Variants in SBF1 observed in about 807,000 individuals in gnomAD.
The protein encoded by SBF1 is SET binding factor 1.
In SBF1, 65 loss-of-function variants were observed where a neutral mutation model predicts 215.8. The ratio of observed to expected loss-of-function variants is 0.30; its 90% confidence interval spans 0.25 to 0.37. The LOEUF (loss-of-function observed/expected upper bound fraction) is 0.37, where lower values mean the gene tolerates loss of function less well. SBF1 is among the 10% of genes least tolerant of loss of function. The pLI is 1.00. For synonymous variants in SBF1, 1,410 were observed against 1,122.8 expected (o/e 1.26, Z -5.11); for missense variants, 2,634 against 2,667.8 (o/e 0.99, Z 0.28).
rs771708943 is a variant in SBF1 at position 50,464,449 on chromosome 22, G to A, written c.1637-8C>T. 13 of 1,612,398 alleles carry A rather than the reference G, an allele frequency of 8.1e-6. No homozygotes were observed. In the East Asian group the frequency reaches 2.7e-4, roughly 33 times the overall value. On this transcript the variant is annotated splice_region_variant and splice_polypyrimidine_tract_variant and intron_variant, in intron 14 of 40. Coordinates refer to ENST00000380817, the MANE Select transcript of SBF1 (RefSeq NM_002972.4). The stretch of plus-strand genomic sequence containing the variant: ...ACCGCTCCAGTATGGCAGCTGCGGG[G>A]ACAGAATACACACACTCGGACCCCT...
rs1603433639 is a variant in SBF1 at position 50,464,925 on chromosome 22, G to A, written c.1333-8C>T. 1 of 1,613,836 alleles carries A rather than the reference G, an allele frequency of 6.2e-7. No homozygotes were observed. The highest frequency in any genetic ancestry group is 8.5e-7 in the Non-Finnish European group (1 of 1,180,018). Reference sequence around the variant, plus strand: ...CACCTCGTGGGCCACCAGCTAGCGGGGTAAGCAGGAGGTTAGGTAAGCCAT... The same window carrying A: ...CACCTCGTGGGCCACCAGCTAGCGGAGTAAGCAGGAGGTTAGGTAAGCCAT... On this transcript the variant is annotated splice_region_variant and splice_polypyrimidine_tract_variant and intron_variant, in intron 12 of 40. Transcript: ENST00000380817.
chr22:50,456,801 G>C, intron 29 of SBF1, 128 bp from the exon 30 acceptor site: 1 of 852,590 alleles, frequency 1.2e-6, no homozygotes, highest in Non-Finnish European at 1.8e-6. Flanking sequence ...GACCCCAGCA[G>C]GGCCGTGCGA....
At position 50,447,416 on chromosome 22, in the gene SBF1, T is replaced by G. The variant is rs749924188; in HGVS notation, c.5489A>C (p.Lys1830Thr). 1.2e-6 allele frequency: 2 copies of G among 1,613,914 alleles called. No homozygotes were observed. The highest frequency in any genetic ancestry group is 1.7e-6 in the Non-Finnish European group (2 of 1,179,918). Residue 1830 changes from lysine (K) to threonine (T), a missense_variant, in exon 40 of 41, where the codon AAG becomes ACG. Coordinates refer to ENST00000380817, the MANE Select transcript of SBF1 (RefSeq NM_002972.4). ...YYDHRVDTECKGVIDLAEVEA... is the reference protein window; with the variant it reads ...YYDHRVDTECTGVIDLAEVEA... ...CACCTCCGCCAAGTCGATGACACCC[T>G]TGCACTCTGTGTCCACACGGTGGTC...
At position 50,457,905 on chromosome 22, in the gene SBF1, T is replaced by G. The variant is rs2067320136; in HGVS notation, c.3827-794A>C. On this transcript the variant is annotated intron_variant, in intron 28 of 40. Coordinates refer to ENST00000380817, the MANE Select transcript of SBF1 (RefSeq NM_002972.4). ...CACAATGCCAGCCCAACACGCCCTG[T>G]GTCCTCTGACGGCTGCCACACTGCA... 2.0e-5 allele frequency among the ~76,000 whole-genome samples: 3 copies of G among 152,238 alleles called. No individual in the cohort carries two copies. The South Asian group carries it at 6.2e-4, about 31-fold the overall frequency.
chr22:50,459,235 C>T lies in SBF1; in HGVS notation c.3826+20G>A. 1 of 1,585,742 alleles carries T rather than the reference C, an allele frequency of 6.3e-7. No individual in the cohort carries two copies. The highest frequency in any genetic ancestry group is 8.6e-7 in the Non-Finnish European group (1 of 1,159,306). ...CCCCAAAGTGCCCCTGCCCCACCGTCTGCCCACAAGCACCCTCACCGTGAC... is the reference window on the plus strand; with the variant it reads ...CCCCAAAGTGCCCCTGCCCCACCGTTTGCCCACAAGCACCCTCACCGTGAC... On this transcript the variant is annotated intron_variant, in intron 28 of 40. Coordinates refer to ENST00000380817, the MANE Select transcript of SBF1 (RefSeq NM_002972.4).
intron 14 of SBF1, 34 bp from the exon 15 acceptor site, chr22:50,464,475 G>A (rs965470805): frequency 1.2e-6 from 2 of 1,605,242 alleles, no homozygotes; most frequent in Non-Finnish European, 1.7e-6. Flanking sequence ...TCGGACCCCT[G>A]ACCCCACGCC....
chr22:50,455,191 A>G (rs1030184107), intron 33 of SBF1, 33 bp downstream of exon 33: 12 of 1,612,556 alleles, frequency 7.4e-6, no homozygotes, highest in African/African-American at 2.7e-5. Context: ...CAGGGTGCAC[A>G]GTCCCGGCCC....
chr22:50,458,587 G>A (rs917578001), intron 28 of SBF1, among the ~76,000 whole-genome samples: 5 of 152,230 alleles, frequency 3.3e-5, no homozygotes, highest in South Asian at 2.1e-4. Flanking sequence ...TGTGGTATCT[G>A]GAAAAACAAA....
intron 1 of SBF1, among the ~76,000 whole-genome samples, chr22:50,471,074 G>A (rs2067978787): frequency 2.0e-5 from 3 of 152,152 alleles, no homozygotes; most frequent in Non-Finnish European, 4.4e-5. Context: ...GCCCATCAGA[G>A]TGCTGCCTTT....
At chr22:50,459,771 C>T (rs556015269) in intron 26 of SBF1, 105 bp from the exon 27 acceptor site, 24 of 1,368,146 alleles carry the variant, frequency 1.8e-5, no homozygotes, top group African/African-American at 5.8e-5. Context: ...CAGCAGGAGG[C>T]GCTTCCAGCT....
At chr22:50,451,107 A>C (rs2067027035) in intron 36 of SBF1, among the ~76,000 whole-genome samples, 1 of 143,534 alleles carries the variant, frequency 7.0e-6, no homozygotes, top group South Asian at 2.2e-4. Flanking sequence ...AGGTGAGAGG[A>C]CTGCTTGAGC....
Position 50,466,533 on chromosome 22 carries a change from G to C in SBF1, c.656-51C>G, listed in dbSNP as rs1464888000. 2.6e-6 allele frequency: 4 copies of C among 1,530,114 alleles called. No individual in the cohort carries two copies. The East Asian group carries it at 7.4e-5, about 28-fold the overall frequency. 94.8% of individuals were successfully genotyped at this position (1,530,114 alleles called of 1,614,324 possible). ...AGGACCCTGGGCCCCCACCCAGGCAGAGTGAGAACCCACATCCCTAACTAC... is the reference window on the plus strand; with the variant it reads ...AGGACCCTGGGCCCCCACCCAGGCACAGTGAGAACCCACATCCCTAACTAC... On this transcript the variant is annotated intron_variant, in intron 6 of 40. Coordinates refer to ENST00000380817, the MANE Select transcript of SBF1 (RefSeq NM_002972.4).
rs1276919951 is a variant in SBF1, at chr22:50,448,167, G to A, written c.5363+66C>T. The A allele has an allele frequency of 2.7e-6, 4 of 1,493,176 alleles. No homozygotes were observed. In the African/African-American group the frequency reaches 5.5e-5, roughly 20 times the overall value. 92.5% of individuals were successfully genotyped at this position (1,493,176 alleles called of 1,614,324 possible). A position where few individuals can be genotyped will look rare whatever the true frequency, so the allele number is the denominator to read the frequency against. On this transcript the variant is annotated intron_variant, in intron 38 of 40. Transcript: ENST00000380817. ...AAGCACCCGCAATCTCCCACCAGAG[G>A]ACTGCCTGGGACCCCAGAACACCAG... is the stretch of plus-strand genomic sequence containing the variant.
chr22:50,448,223 G>A lies in SBF1; in HGVS notation c.5363+10C>T, dbSNP rs770564353. The A allele has an allele frequency of 1.9e-6, 3 of 1,609,588 alleles. No individual in the cohort carries two copies. Among genetic ancestry groups the A allele is most frequent in the Non-Finnish European group, 2.5e-6 (3 of 1,178,944 alleles). ...AGGTGTCCATGTGGCAGTGGGAGGTGCCCTCATACCTGTTCTCACTCTCTG... is the reference window on the plus strand; with the variant it reads ...AGGTGTCCATGTGGCAGTGGGAGGTACCCTCATACCTGTTCTCACTCTCTG... On this transcript the variant is annotated intron_variant, in intron 38 of 40. Transcript: ENST00000380817.
intron 28 of SBF1, chr22:50,457,383 CCACT>C (rs2067297574): frequency 1.0e-5 from 4 of 401,248 alleles, no homozygotes; most frequent in African/African-American, 4.1e-5. Flanking sequence ...TCCTTTCTTC[CCACT>C]CAAACCAGCT....
At chr22:50,464,759 TG>T in intron 13 of SBF1, 21 bp from the exon 14 acceptor site, 1 of 1,609,218 alleles carries the variant, frequency 6.2e-7, no homozygotes, top group Non-Finnish European at 8.5e-7. Flanking sequence ...ACGGCAGGTG[TG>T]GGGCAGGGGC....
At chr22:50,450,898 A>T (rs1298335480) in intron 36 of SBF1, among the ~76,000 whole-genome samples, 1 of 152,244 alleles carries the variant, frequency 6.6e-6, no homozygotes, top group African/African-American at 2.4e-5. Context: ...GCTTGACCCA[A>T]GGAGTGTGAG....
In SBF1 at chr22:50,459,482, C is replaced by T. The variant is rs200852838; in HGVS notation, c.3676G>A (p.Ala1226Thr). 1.5e-4 allele frequency: 246 copies of T among 1,610,304 alleles called. No homozygotes were observed. The highest frequency in any genetic ancestry group is 2.0e-4 in the Non-Finnish European group (233 of 1,179,768). The change falls in exon 27 of 41, where the codon GCA becomes ACA. Residue 1226 changes from alanine to threonine, a missense_variant. By Grantham distance (58) the Ala-to-Thr change is moderately conservative. Transcript: ENST00000380817. ...GVVGLFKAQN[A>T]PSPGQSQADS... ...ACGCAGGAGGTACCTGGAGAAGGTG[C>T]GTTCTGGGCCTTGAAGAGGCCGACG...
Position 50,457,016 on chromosome 22 carries a change from G to A in SBF1, c.3904+18C>T, listed in dbSNP as rs747565126. Reference sequence around the variant, plus strand: ...ACCAAGTAAGGGGAGGCGGGCCTGCGCAGGCTCGGTACGGTACCTCGGGGT... The same window carrying A: ...ACCAAGTAAGGGGAGGCGGGCCTGCACAGGCTCGGTACGGTACCTCGGGGT... On this transcript the variant is annotated intron_variant, in intron 29 of 40. Transcript: ENST00000380817. 140 of 1,414,850 alleles carry A rather than the reference G, an allele frequency of 9.9e-5. No homozygotes were observed. The highest frequency in any genetic ancestry group is 1.2e-4 in the Non-Finnish European group (127 of 1,084,326). The allele number at this position is 1,414,850 out of a possible 1,614,324, so 87.6% of individuals were successfully genotyped here. A position where few individuals can be genotyped will look rare whatever the true frequency, so the allele number is the denominator to read the frequency against.
Sources: allele counts gnomAD v4.1 joint callset (sites outside exome capture counted in the v4.1 genomes callset), GRCh38; gene constraint gnomAD v4.1.1; transcripts MANE v1.5; gene names NCBI Gene and HGNC (gene_info 2026-07-23, HGNC 2026-07-21).